Variants in MIA2 observed in about 807,000 individuals in gnomAD.
The protein encoded by MIA2 is MIA SH3 domain ER export factor 2, also known as melanoma inhibitory activity protein 2.
Under a neutral mutation model 167.8 loss-of-function variants are expected in MIA2, and 127 were observed. That is an observed-to-expected ratio of 0.76 (90% CI 0.66 to 0.88). The LOEUF (loss-of-function observed/expected upper bound fraction) is 0.88. Among genes scored for constraint, MIA2 ranks in the 40% least tolerant of loss-of-function variants. MIA2 has a pLI of 0.00. For synonymous variants in MIA2, 552 were observed against 541.9 expected, an observed-to-expected ratio of 1.02 and a Z score of -0.26; for missense variants, 1,690 against 1,624.7, an observed-to-expected ratio of 1.04 and a Z score of -0.69.
intron 9 of MIA2, among the ~76,000 whole-genome samples, chr14:39,286,269 C>A (rs191165035): frequency 8.5e-5 from 13 of 152,308 alleles, no homozygotes; most frequent in Non-Finnish European, 1.3e-4. Context: ...ACAGTGAAAC[C>A]CCGTCTCCAC....
intron 21 of MIA2, among the ~76,000 whole-genome samples, chr14:39,316,684 A>G (rs1255023357): frequency 1.3e-5 from 2 of 152,192 alleles, no homozygotes; most frequent in Non-Finnish European, 2.9e-5. Flanking sequence ...TGTATGCTTT[A>G]GTATTGAGGG....
chr14:39,356,548 A>G (rs1036346155), intron 23 of MIA2, among the ~76,000 whole-genome samples: 5 of 151,864 alleles, frequency 3.3e-5, no homozygotes, highest in African/African-American at 7.3e-5. Context: ...TTGTGTCTCT[A>G]TCTCCTTCAG....
intron 6 of MIA2, among the ~76,000 whole-genome samples, chr14:39,254,573 T>C (rs967928597): frequency 6.6e-6 from 1 of 152,062 alleles, no homozygotes; most frequent in Non-Finnish European, 1.5e-5. Flanking sequence ...ATGAGTGAAG[T>C]GTGGGTAAAG....
Position 39,247,527 on chromosome 14 carries a change from T to C in MIA2, c.953T>C (p.Leu318Ser). Reference protein sequence around the residue: ...GWFGGGFTSYLGFGDEDTGLE... With the variant: ...GWFGGGFTSYSGFGDEDTGLE... ...TTTGGTGGAGGATTTACAAGTTATTTAGGTTTTGGAGATGAGGATACAGGG... is the reference window on the plus strand; with the variant it reads ...TTTGGTGGAGGATTTACAAGTTATTCAGGTTTTGGAGATGAGGATACAGGG... The change falls in exon 4 of 29, where the codon TTA becomes TCA. Residue 318 changes from leucine (L) to serine (S), a missense_variant. Coordinates refer to ENST00000640607, the MANE Select transcript of MIA2 (RefSeq NM_001329214.4). 5 of 1,613,998 alleles carry C rather than the reference T, an allele frequency of 3.1e-6. No homozygotes were observed. The highest frequency in any genetic ancestry group is 4.2e-6 in the Non-Finnish European group (5 of 1,179,990).
Position 39,299,068 on chromosome 14 carries a change from T to TAA in MIA2, c.2497-768_2497-767dup, listed in dbSNP as rs3065043. 4.2e-3 allele frequency among the ~76,000 whole-genome samples: 183 copies of TAA among 44,022 alleles called. 2 individuals carry two copies. Among genetic ancestry groups the TAA allele is most frequent in the African/African-American group, 9.6e-3 (116 of 12,120 alleles). The allele number at this position is 44,022 out of a possible 152,430, so 28.9% of individuals were successfully genotyped here. A position where few individuals can be genotyped will look rare whatever the true frequency, so the allele number is the denominator to read the frequency against. The stretch of plus-strand genomic sequence containing the variant: ...GACAGAATGAGACCCTCCCTGCCTC[T>TAA]AAAAAAAAAAAAAAAAAAAAAAAAA... On this transcript the variant is annotated intron_variant, in intron 13 of 28. Coordinates refer to ENST00000640607, the MANE Select transcript of MIA2 (RefSeq NM_001329214.4).
chr14:39,269,074 G>GTTTTCTTTT, intron 6 of MIA2: 1 of 580,220 alleles, frequency 1.7e-6, no homozygotes, highest in South Asian at 8.8e-5. Context: ...CACCTGCACA[G>GTTTTCTTTT]TTTTTTTTTT....
rs916785077 is a variant in MIA2 at position 39,379,641 on chromosome 14, C to T, written c.2249-7244C>T. Among the ~76,000 whole-genome samples, 5 of 152,016 alleles carry T rather than the reference C, an allele frequency of 3.3e-5. No individual in the cohort carries two copies. The East Asian group carries it at 7.8e-4, about 24-fold the overall frequency. ...CTGAGGCGGGTGGATCACCTGAGGT[C>T]AGGAGTTCGAGACCAGTCTGGCCAA... On this transcript the variant is annotated intron_variant, in intron 23 of 23. Transcript: ENST00000341502.
intron 13 of MIA2, among the ~76,000 whole-genome samples, chr14:39,298,208 A>G (rs1351597333): frequency 6.6e-6 from 1 of 151,812 alleles, no homozygotes; most frequent in African/African-American, 2.4e-5. Flanking sequence ...AACTGTTTTC[A>G]TCTAACTCCC....
chr14:39,337,598 C>T (rs1473404468), intron 25 of MIA2, among the ~76,000 whole-genome samples: 1 of 152,084 alleles, frequency 6.6e-6, no homozygotes, highest in African/African-American at 2.4e-5. Flanking sequence ...TCTTTGATCA[C>T]AATGGAATCA....
intron 3 of MIA2, among the ~76,000 whole-genome samples, chr14:39,244,434 T>G (rs2054198941): frequency 1.3e-5 from 2 of 152,162 alleles, no homozygotes; most frequent in Non-Finnish European, 2.9e-5. Context: ...GATCATAAAA[T>G]TCACCCAAGT....
intron 6 of MIA2, chr14:39,266,666 G>C: frequency 1.3e-5 from 13 of 985,582 alleles, no homozygotes; most frequent in Non-Finnish European, 1.6e-5. Flanking sequence ...CGCGTGCCCC[G>C]CAGGCCATTT....
chr14:39,312,078 T>G (rs2064411043), intron 18 of MIA2, among the ~76,000 whole-genome samples: 1 of 152,120 alleles, frequency 6.6e-6, no homozygotes, highest in Non-Finnish European at 1.5e-5. Context: ...TCTGCCCACC[T>G]CTGCCTCCCA....
chr14:39,278,948 G>A (rs1209857069), intron 7 of MIA2, among the ~76,000 whole-genome samples: 1 of 152,070 alleles, frequency 6.6e-6, no homozygotes, highest in African/African-American at 2.4e-5. Context: ...ATCACCTGAG[G>A]TCAGGAGTTC....
intron 25 of MIA2, 67 bp downstream of exon 25, chr14:39,327,089 G>A (rs745497160): frequency 1.6e-5 from 20 of 1,234,378 alleles, no homozygotes; most frequent in Admixed American, 3.0e-5. Flanking sequence ...CACAGGAATG[G>A]AAGAAGGGAG....
At chr14:39,279,625 A>T (rs1307099605) in intron 9 of MIA2, 88 bp downstream of exon 9, 4 of 831,884 alleles carry the variant, frequency 4.8e-6, no homozygotes, top group Non-Finnish European at 7.5e-6. Context: ...ATTTAAGATT[A>T]TGAATGCTTT....
intron 23 of MIA2, among the ~76,000 whole-genome samples, chr14:39,375,802 G>C (rs1398902581): frequency 1.3e-5 from 2 of 152,206 alleles, no homozygotes; most frequent in Non-Finnish European, 2.9e-5. Context: ...ACAAAATCAT[G>C]TAACTGAAGT....
chr14:39,269,158 AT>A (rs750002678), intron 6 of MIA2: 969 of 641,124 alleles, frequency 1.5e-3, no homozygotes, highest in Non-Finnish European at 1.7e-3. Flanking sequence ...TCCGCTTTAA[AT>A]TTTTTTTTTA....
At chr14:39,248,744 CTT>C (rs199592489) in intron 4 of MIA2, among the ~76,000 whole-genome samples, 1 of 146,976 alleles carries the variant, frequency 6.8e-6, no homozygotes. Context: ...CTAAGGGAAA[CTT>C]TTTTTTTTTT....
chr14:39,318,024 G>C lies in MIA2; in HGVS notation c.3284+13G>C. On this transcript the variant is annotated intron_variant, in intron 22 of 28. Coordinates refer to ENST00000640607, the MANE Select transcript of MIA2 (RefSeq NM_001329214.4). Reference sequence around the variant, plus strand: ...ACAACAGACAAAAGTAAGTATCTTAGTGGGAACATTTAAAATTAGTTATTC... The same window carrying C: ...ACAACAGACAAAAGTAAGTATCTTACTGGGAACATTTAAAATTAGTTATTC... 1 of 1,544,182 alleles carries C rather than the reference G, an allele frequency of 6.5e-7. No individual in the cohort carries two copies. Among genetic ancestry groups the C allele is most frequent in the Non-Finnish European group, 8.8e-7 (1 of 1,141,758 alleles).
Sources: gnomAD v4.1 joint callset for allele counts (sites outside exome capture counted in the v4.1 genomes callset) on GRCh38, gnomAD v4.1.1 for gene constraint, MANE v1.5 for transcripts, NCBI Gene and HGNC (gene_info 2026-07-23, HGNC 2026-07-21) for gene names.